CORO2B: variants seen among roughly 807,000 people sequenced by gnomAD.
CORO2B encodes the protein coronin 2B, also known as coronin-2B.
A neutral mutation model predicts 58.8 loss-of-function variants in CORO2B; 26 were observed. The observed-to-expected ratio is 0.44, with a 90% CI of 0.32 to 0.61. The LOEUF is 0.61. Ranked by LOEUF, CORO2B falls within the 20% of genes least tolerant of loss-of-function variation. The pLI, the probability that CORO2B is intolerant of heterozygous loss-of-function variation, is 0.04. For missense variants in CORO2B, 460 were observed against 645.1 expected (o/e 0.71, Z 3.11); for synonymous variants, 242 against 253.8 (o/e 0.95, Z 0.44).
At chr15:68,598,848 C>T (rs1281945834) in intron 1 of CORO2B, among the ~76,000 whole-genome samples, 2 of 152,150 alleles carry the variant, frequency 1.3e-5, no homozygotes, top group Non-Finnish European at 2.9e-5. Context: ...GGAAGAGTGA[C>T]TCTGCTTGCG....
At chr15:68,531,531 G>A in the CORO2B span, among the ~76,000 whole-genome samples, 5 of 120,000 alleles carry the variant, frequency 4.2e-5, no homozygotes, top group African/African-American at 1.3e-4. Context: ...AAGGAAGGAA[G>A]GAAGGAAGGA....
At chr15:68,555,166 G>T in the CORO2B span, among the ~76,000 whole-genome samples, 5 of 152,214 alleles carry the variant, frequency 3.3e-5, no homozygotes, top group African/African-American at 1.2e-4. Context: ...CACTGAATGA[G>T]GAGGTGTGAT....
At chr15:68,545,612 C>CAGGG in the CORO2B span, among the ~76,000 whole-genome samples, 1 of 53,268 alleles carries the variant, frequency 1.9e-5, no homozygotes, top group Non-Finnish European at 3.7e-5. Flanking sequence ...ATGCGGGGGG[C>CAGGG]GGGGGGGGTA....
At position 68,710,523 on chromosome 15, in the gene CORO2B, C is replaced by T. The variant is rs970268691; in HGVS notation, c.334-209C>T. 6.6e-6 allele frequency among the ~76,000 whole-genome samples: 1 copy of T among 152,202 alleles called. No individual in the cohort carries two copies. Among genetic ancestry groups the T allele is most frequent in the Non-Finnish European group, 1.5e-5 (1 of 68,028 alleles). On this transcript the variant is annotated intron_variant, in intron 3 of 11. Transcript: ENST00000261861. The surrounding 1 kb of genome is among the most constrained non-coding windows in gnomAD (Gnocchi z 4.1). ...TGCAGAGACTTCCCAGAGAAAACCTCCCACAGGCAGAGAGATGGTCTCCTT... is the reference window on the plus strand; with the variant it reads ...TGCAGAGACTTCCCAGAGAAAACCTTCCACAGGCAGAGAGATGGTCTCCTT...
intron 1 of CORO2B, among the ~76,000 whole-genome samples, chr15:68,590,968 T>G (rs1200905800): frequency 6.6e-6 from 1 of 152,150 alleles, no homozygotes; most frequent in Middle Eastern, 3.2e-3. Flanking sequence ...GGACTGAGAT[T>G]TATTTAAAAA....
At chr15:68,687,481 C>T (rs918854591) in intron 2 of CORO2B, among the ~76,000 whole-genome samples, 1 of 152,198 alleles carries the variant, frequency 6.6e-6, no homozygotes, top group African/African-American at 2.4e-5. Flanking sequence ...CTCCCCTGGA[C>T]AGCCTGCTGG....
intron 2 of CORO2B, among the ~76,000 whole-genome samples, chr15:68,650,580 C>T (rs1901611094): frequency 1.3e-5 from 2 of 152,240 alleles, no homozygotes; most frequent in African/African-American, 4.8e-5. Context: ...CAACTGCACT[C>T]CAGCTTGGCG....
chr15:68,584,698 T>C (rs1899508661), intron 1 of CORO2B, among the ~76,000 whole-genome samples: 1 of 152,166 alleles, frequency 6.6e-6, no homozygotes, highest in South Asian at 2.1e-4. Context: ...AGATTCTCTC[T>C]GCGCCCAGCC....
intron 1 of CORO2B, among the ~76,000 whole-genome samples, chr15:68,603,801 G>A (rs1464775934): frequency 1.3e-5 from 2 of 152,184 alleles, no homozygotes; most frequent in East Asian, 1.9e-4. Context: ...AGAACTGTAC[G>A]AAATAAATAT....
chr15:68,558,734 G>A, the CORO2B span, among the ~76,000 whole-genome samples: 3 of 152,024 alleles, frequency 2.0e-5, no homozygotes, highest in East Asian at 1.9e-4. Context: ...GTGTGGACAC[G>A]GGGTCACCCA....
chr15:68,561,112 G>A, the CORO2B span, among the ~76,000 whole-genome samples: 112,792 of 152,012 alleles, frequency 0.74, 42,501 homozygotes, highest in East Asian at 0.87. Flanking sequence ...GCACAACTTT[G>A]CCTCTCAATA....
chr15:68,583,944 G>A (rs1266887287), intron 1 of CORO2B, among the ~76,000 whole-genome samples: 1 of 152,170 alleles, frequency 6.6e-6, no homozygotes, highest in Non-Finnish European at 1.5e-5. Context: ...CTCCCTTCCC[G>A]GCCTTCTTCC....
rs1893337407 is a variant in CORO2B at position 68,727,683 on chromosome 15, TCTC to T, written c.*1717_*1719del. Reference sequence around the variant, plus strand: ...CACAGCTAGACAGTGTCAGCACTCATCTCCTCCTCCCACATTTCTGGAGCTTTT... The same window carrying T: ...CACAGCTAGACAGTGTCAGCACTCATCTCCTCCCACATTTCTGGAGCTTTT... On this transcript the variant is annotated 3_prime_UTR_variant, in exon 12 of 12. Transcript: ENST00000261861. 1 of 151,256 alleles carries T rather than the reference TCTC, an allele frequency of 6.6e-6. No homozygotes were observed. The highest frequency in any genetic ancestry group is 2.4e-5 in the African/African-American group (1 of 41,092). The allele number at this position is 151,256 out of a possible 1,614,324, so 9.4% of individuals were successfully genotyped here.
Position 68,715,231 on chromosome 15 carries a change from G to A in CORO2B, c.887G>A (p.Arg296Gln), listed in dbSNP as rs765094121. ...TGACCCCAGGGTGATGGAAACATCCGGTACTACGAGATCAGCACTGAGAAG... is the reference window on the plus strand; with the variant it reads ...TGACCCCAGGGTGATGGAAACATCCAGTACTACGAGATCAGCACTGAGAAG... Reference protein sequence around the residue: ...YLAGKGDGNIRYYEISTEKPY... With the variant: ...YLAGKGDGNIQYYEISTEKPY... Residue 296 changes from arginine to glutamine, a missense_variant, in exon 8 of 12, where the codon CGG becomes CAG. Transcript: ENST00000261861. 12 of 1,613,916 alleles carry A rather than the reference G, an allele frequency of 7.4e-6. No homozygotes were observed. The highest frequency in any genetic ancestry group is 1.1e-5 in the South Asian group (1 of 91,072).
At chr15:68,629,051 G>A in intron 1 of CORO2B, among the ~76,000 whole-genome samples, 1 of 152,232 alleles carries the variant, frequency 6.6e-6, no homozygotes, top group Non-Finnish European at 1.5e-5. Context: ...AGTTAGCAGA[G>A]GAGAGCCAGG....
the CORO2B span, among the ~76,000 whole-genome samples, chr15:68,543,944 C>G: frequency 3.3e-5 from 5 of 152,208 alleles, no homozygotes; most frequent in African/African-American, 1.2e-4. Flanking sequence ...CCTTACCTCT[C>G]TCAAGTCCTC....
chr15:68,541,822 G>C, the CORO2B span, among the ~76,000 whole-genome samples: 1 of 152,198 alleles, frequency 6.6e-6, no homozygotes, highest in Non-Finnish European at 1.5e-5. Flanking sequence ...ATGCCTGAGG[G>C]AGACCCTTGG....
chr15:68,701,998 T>A (rs1892663570), intron 3 of CORO2B, among the ~76,000 whole-genome samples: 1 of 152,110 alleles, frequency 6.6e-6, no homozygotes, highest in South Asian at 2.1e-4. Context: ...ATCCCAACAC[T>A]TTGGGAGGCT....
upstream of CORO2B, among the ~76,000 whole-genome samples, chr15:68,576,152 C>CAAA (rs3985627): frequency 0.04 from 2,472 of 62,052 alleles, 266 homozygotes; most frequent in Non-Finnish European, 0.047. Context: ...GACTACGTCG[C>CAAA]AAAAAAAAAA....
Sources: allele counts gnomAD v4.1 joint callset (sites outside exome capture counted in the v4.1 genomes callset), GRCh38; gene constraint gnomAD v4.1.1; non-coding constraint Gnocchi (gnomAD v3.1); transcripts MANE v1.5; gene names NCBI Gene and HGNC (gene_info 2026-07-23, HGNC 2026-07-21).